ALMS1: variants seen among roughly 807,000 people sequenced by gnomAD.
The protein encoded by ALMS1 is centrosome-associated protein ALMS1.
Under a neutral mutation model 352.2 loss-of-function variants are expected in ALMS1, and 271 were observed. That is an observed-to-expected ratio of 0.77 (90% CI 0.70 to 0.85). ALMS1 has a LOEUF of 0.85. Ranked by LOEUF, ALMS1 falls within the 40% of genes least tolerant of loss-of-function variation. The probability of loss-of-function intolerance (pLI) is 0.00; values close to 1 mark genes in which losing one functional copy is unlikely to be tolerated. For synonymous variants in ALMS1, 1,865 were observed against 1,761.2 expected, an observed-to-expected ratio of 1.06 and a Z score of -1.48; for missense variants, 5,445 against 4,870.7, an observed-to-expected ratio of 1.12 and a Z score of -3.51.
Position 73,452,457 on chromosome 2 carries a change from A to G in ALMS1, c.5930A>G (p.Lys1977Arg). 6.2e-7 allele frequency: 1 copy of G among 1,614,082 alleles called. No homozygotes were observed. Among genetic ancestry groups the G allele is most frequent in the Non-Finnish European group, 8.5e-7 (1 of 1,179,992 alleles). ...CCTGTTTCTATACCAGCAGAGCAGA[A>G]GACTGGGATACCAATAGGACTGTCT... ...VSPVSIPAEQ[K>R]TGIPIGLSSS... is the part of the protein sequence containing the mutation. Residue 1977 changes from lysine (K) to arginine (R), a missense_variant, in exon 8 of 23, where the codon AAG becomes AGG. Transcript: ENST00000613296.
intron 9 of ALMS1, among the ~76,000 whole-genome samples, chr2:73,469,027 C>G (rs1211455978): frequency 8.3e-6 from 1 of 120,036 alleles, no homozygotes; most frequent in Non-Finnish European, 1.9e-5. Context: ...CCCTTCCATG[C>G]TATGAGAACG....
chr2:73,499,600 G>C (rs988102310), intron 10 of ALMS1, among the ~76,000 whole-genome samples: 1 of 152,070 alleles, frequency 6.6e-6, no homozygotes. Context: ...TATTTCTGCT[G>C]TTTTATAGTT....
chr2:73,516,802 G>A (rs1673566386), intron 10 of ALMS1, among the ~76,000 whole-genome samples: 1 of 152,118 alleles, frequency 6.6e-6, no homozygotes, highest in African/African-American at 2.4e-5. Context: ...ATTGGGGTTG[G>A]CCCTTCTGAC....
chr2:73,560,525 G>T (rs62149774), intron 15 of ALMS1, among the ~76,000 whole-genome samples: 1 of 151,980 alleles, frequency 6.6e-6, no homozygotes, highest in Non-Finnish European at 1.5e-5. Context: ...ATATGATCCC[G>T]CAATCCCACT....
At chr2:73,539,573 C>T (rs191615311) in intron 12 of ALMS1, among the ~76,000 whole-genome samples, 6 of 152,294 alleles carry the variant, frequency 3.9e-5, no homozygotes, top group African/African-American at 1.4e-4. Flanking sequence ...GATCAAACTA[C>T]TCCGAGCTAA....
chr2:73,585,165 A>G (rs1044574229), intron 16 of ALMS1, among the ~76,000 whole-genome samples: 6 of 152,194 alleles, frequency 3.9e-5, no homozygotes, highest in African/African-American at 1.4e-4. Flanking sequence ...GCTGGATCAA[A>G]TGGTAGTTCT....
At chr2:73,466,039 C>A (rs1164622693) in intron 9 of ALMS1, among the ~76,000 whole-genome samples, 1 of 152,038 alleles carries the variant, frequency 6.6e-6, no homozygotes, top group Non-Finnish European at 1.5e-5. Context: ...GTTGGTGGGA[C>A]TATAAACTAG....
intron 7 of ALMS1, among the ~76,000 whole-genome samples, chr2:73,446,852 C>A (rs1262717877): frequency 6.6e-6 from 1 of 152,156 alleles, no homozygotes; most frequent in Non-Finnish European, 1.5e-5. Flanking sequence ...GAGTCAGAAT[C>A]TGCAAGTTAA....
chr2:73,426,072 A>G (rs1335020612), intron 5 of ALMS1, among the ~76,000 whole-genome samples: 1 of 152,216 alleles, frequency 6.6e-6, no homozygotes, highest in East Asian at 1.9e-4. Context: ...TTGACCTTGC[A>G]GAGAAGGTAG....
intron 10 of ALMS1, among the ~76,000 whole-genome samples, chr2:73,491,876 G>A (rs370785805): frequency 3.9e-5 from 6 of 151,978 alleles, no homozygotes; most frequent in Non-Finnish European, 7.4e-5. Flanking sequence ...TCTCTCTCCC[G>A]CTCTCCCTCT....
rs115327454 is a variant in ALMS1 at position 73,516,489 on chromosome 2, A to G, written c.9540-3286A>G. On this transcript the variant is annotated intron_variant, in intron 10 of 22. Transcript: ENST00000613296. ...AAATCATTCTACTGAAAAAACACATATAATCAATATCATATTATTGCTATT... is the reference window on the plus strand; with the variant it reads ...AAATCATTCTACTGAAAAAACACATGTAATCAATATCATATTATTGCTATT... Among the ~76,000 whole-genome samples the G allele has an allele frequency of 4.3e-3, 655 of 152,296 alleles. 3 individuals carry two copies. Among genetic ancestry groups the G allele is most frequent in the Middle Eastern group, 0.02 (6 of 294 alleles).
Position 73,422,911 on chromosome 2 carries a change from A to G in ALMS1, c.701A>G (p.Gln234Arg). ...TTGCCTTTGCTGACCTGTTTGACAC[A>G]AGACCAAGAATTTGCGCCTGATTCT... Reference protein sequence around the residue: ...PDLPLLTCLTQDQEFAPDSLF... With the variant: ...PDLPLLTCLTRDQEFAPDSLF... Residue 234 changes from glutamine to arginine, a missense_variant, in exon 4 of 23, where the codon CAA becomes CGA. By Grantham distance (43) the Gln-to-Arg change is conservative. Coordinates refer to ENST00000613296, the MANE Select transcript of ALMS1 (RefSeq NM_001378454.1). 6.2e-7 allele frequency: 1 copy of G among 1,613,744 alleles called. No individual in the cohort carries two copies. The highest frequency in any genetic ancestry group is 1.1e-5 in the South Asian group (1 of 91,072).
chr2:73,510,721 C>G (rs1306257968), intron 10 of ALMS1, among the ~76,000 whole-genome samples: 1 of 152,164 alleles, frequency 6.6e-6, no homozygotes, highest in African/African-American at 2.4e-5. Flanking sequence ...GCATTCTGTC[C>G]CTTAGCAGGG....
intron 9 of ALMS1, among the ~76,000 whole-genome samples, chr2:73,466,339 A>G (rs142800387): frequency 0.51 from 77,120 of 151,544 alleles, 22,572 homozygotes; most frequent in East Asian, 0.77. Context: ...TTGTAGGGAC[A>G]TGGATGAAAC....
At chr2:73,514,217 A>G (rs1400023022) in intron 10 of ALMS1, among the ~76,000 whole-genome samples, 1 of 152,154 alleles carries the variant, frequency 6.6e-6, no homozygotes, top group Non-Finnish European at 1.5e-5. Context: ...GTTCATTTAC[A>G]TTTAATATAA....
At chr2:73,504,945 C>T (rs1279976974) in intron 10 of ALMS1, among the ~76,000 whole-genome samples, 11 of 151,846 alleles carry the variant, frequency 7.2e-5, no homozygotes, top group East Asian at 1.9e-4. Flanking sequence ...ATATTCTCAA[C>T]TCCCACTTAT....
intron 10 of ALMS1, among the ~76,000 whole-genome samples, chr2:73,498,634 T>A (rs1253181529): frequency 6.6e-6 from 1 of 152,090 alleles, no homozygotes; most frequent in Non-Finnish European, 1.5e-5. Flanking sequence ...TTGTTTGGAT[T>A]TTTAGATTCC....
chr2:73,412,869 A>G (rs1452745571), intron 2 of ALMS1, among the ~76,000 whole-genome samples: 1 of 152,210 alleles, frequency 6.6e-6, no homozygotes, highest in Non-Finnish European at 1.5e-5. Flanking sequence ...GTTTAACTTT[A>G]TAAGAAAGTA....
intron 12 of ALMS1, among the ~76,000 whole-genome samples, chr2:73,544,658 A>C (rs144467211): frequency 1.3e-5 from 2 of 152,326 alleles, no homozygotes; most frequent in African/African-American, 4.8e-5. Flanking sequence ...ATTCCTCAAA[A>C]AATTAAACAT....
Sources: allele counts gnomAD v4.1 joint callset (sites outside exome capture counted in the v4.1 genomes callset), GRCh38; gene constraint gnomAD v4.1.1; transcripts MANE v1.5; gene names NCBI Gene and HGNC (gene_info 2026-07-23, HGNC 2026-07-21).